The following TMEM135 variants were observed in gnomAD, a reference collection of about 807,000 sequenced individuals.
TMEM135 encodes the protein peroxisomal membrane protein 52.
TMEM135 carries 30 observed loss-of-function variants against 60.3 expected under a neutral mutation model. That is an observed-to-expected ratio of 0.50 (90% CI 0.37 to 0.68). TMEM135 has a LOEUF of 0.68. Ranked by LOEUF, TMEM135 falls within the 30% of genes least tolerant of loss-of-function variation. The probability of loss-of-function intolerance (pLI) is 0.00; values close to 1 mark genes in which losing one functional copy is unlikely to be tolerated. For synonymous variants in TMEM135, 190 were observed against 186.7 expected (o/e 1.02, Z -0.14); for missense variants, 468 against 548.8 (o/e 0.85, Z 1.47).
chr11:87,222,824 A>G (rs189766307), intron 5 of TMEM135, among the ~76,000 whole-genome samples: 25 of 132,460 alleles, frequency 1.9e-4, no homozygotes, highest in African/African-American at 6.8e-4. Context: ...AAAGAAAGAA[A>G]GAAAAAAAAA....
intron 3 of TMEM135, among the ~76,000 whole-genome samples, chr11:87,073,975 A>AT (rs1053308160): frequency 2.0e-5 from 3 of 149,670 alleles, no homozygotes; most frequent in East Asian, 2.0e-4. Flanking sequence ...GGCTTATTTT[A>AT]TTTTTTTTGG....
intron 4 of TMEM135, among the ~76,000 whole-genome samples, chr11:87,129,544 A>AATTTTTT (rs1555107817): frequency 8.0e-6 from 1 of 125,654 alleles, no homozygotes; most frequent in African/African-American, 3.1e-5. Flanking sequence ...TGCTTGGCCA[A>AATTTTTT]TTTTTTTTTT....
intron 4 of TMEM135, among the ~76,000 whole-genome samples, chr11:87,100,051 A>C (rs1260465092): frequency 6.6e-6 from 1 of 152,144 alleles, no homozygotes; most frequent in Admixed American, 6.5e-5. Context: ...AACGTAGAAG[A>C]AACCTTTGAA....
chr11:87,219,473 G>C (rs1054948399), intron 5 of TMEM135, among the ~76,000 whole-genome samples: 17 of 152,124 alleles, frequency 1.1e-4, no homozygotes, highest in Non-Finnish European at 2.9e-5. Context: ...TGGCGGGGCT[G>C]GGGGGAGAGA....
chr11:87,070,584 C>T (rs577248392), intron 2 of TMEM135, among the ~76,000 whole-genome samples: 3 of 152,040 alleles, frequency 2.0e-5, no homozygotes, highest in Admixed American at 6.5e-5. Flanking sequence ...TGCAGTGAGC[C>T]GAGACTGCAC....
intron 5 of TMEM135, among the ~76,000 whole-genome samples, chr11:87,186,450 T>G (rs1939656835): frequency 6.6e-6 from 1 of 152,198 alleles, no homozygotes. Flanking sequence ...TCATACCCCA[T>G]GAATTAAAGT....
intron 5 of TMEM135, among the ~76,000 whole-genome samples, chr11:87,168,042 G>A (rs1451061713): frequency 3.9e-5 from 6 of 152,100 alleles, no homozygotes; most frequent in Non-Finnish European, 8.8e-5. Context: ...TCTTGGGAGG[G>A]TGTATGTGTC....
intron 4 of TMEM135, among the ~76,000 whole-genome samples, chr11:87,114,670 C>G (rs1366503946): frequency 1.3e-5 from 2 of 152,078 alleles, no homozygotes; most frequent in Non-Finnish European, 2.9e-5. Context: ...TCATTTTTAA[C>G]TTTTGAGCTG....
chr11:87,328,509 C>T lies in TMEM135; in HGVS notation c.*7176C>T. 1 of 454,030 alleles carries T rather than the reference C, an allele frequency of 2.2e-6. No individual in the cohort carries two copies. The allele number at this position is 454,030 out of a possible 1,614,324, so 28.1% of individuals were successfully genotyped here. A position where few individuals can be genotyped will look rare whatever the true frequency, so the allele number is the denominator to read the frequency against. On this transcript the variant is annotated 3_prime_UTR_variant, in exon 15 of 15. Coordinates refer to ENST00000305494, the MANE Select transcript of TMEM135 (RefSeq NM_022918.4). ...ATATAGCTTTTTATTCCTTCCCCTT[C>T]TGAGTCTCCATAGTCCATTATATCA...
Position 87,325,139 on chromosome 11 carries a change from G to C in TMEM135, c.*3806G>C, listed in dbSNP as rs1032321365. On this transcript the variant is annotated 3_prime_UTR_variant, in exon 15 of 15. Coordinates refer to ENST00000305494, the MANE Select transcript of TMEM135 (RefSeq NM_022918.4). ...CAAGGACTGAGATGACCCTCAGATTGGGGGGCTGTCTTAGATTCTAGGGCT... is the reference window on the plus strand; with the variant it reads ...CAAGGACTGAGATGACCCTCAGATTCGGGGGCTGTCTTAGATTCTAGGGCT... 9.2e-6 allele frequency: 4 copies of C among 432,964 alleles called. No homozygotes were observed. The East Asian group carries it at 3.1e-4, about 34-fold the overall frequency. 26.8% of individuals were successfully genotyped at this position (432,964 alleles called of 1,614,324 possible).
intron 3 of TMEM135, among the ~76,000 whole-genome samples, chr11:87,086,542 C>G (rs1036892679): frequency 1.3e-5 from 2 of 152,012 alleles, no homozygotes; most frequent in African/African-American, 4.8e-5. Context: ...TGGTCCCCCA[C>G]CCCCACAGTT....
intron 14 of TMEM135, among the ~76,000 whole-genome samples, chr11:87,320,363 A>T (rs1183642092): frequency 6.6e-6 from 1 of 152,104 alleles, no homozygotes; most frequent in East Asian, 1.9e-4. Flanking sequence ...GATCCTTTAC[A>T]TTGTTATTGT....
At chr11:87,232,093 G>T (rs1447047011) in intron 5 of TMEM135, among the ~76,000 whole-genome samples, 1 of 151,902 alleles carries the variant, frequency 6.6e-6, no homozygotes, top group East Asian at 1.9e-4. Context: ...TGGAATTACA[G>T]ATATGCACCA....
At chr11:87,183,953 C>T (rs1233707818) in intron 5 of TMEM135, among the ~76,000 whole-genome samples, 3 of 38,306 alleles carry the variant, frequency 7.8e-5, no homozygotes, top group African/African-American at 2.9e-4. Context: ...CAGACTTCGT[C>T]GCAAAAAAAA....
chr11:87,295,919 A>C (rs1292664063), intron 7 of TMEM135, 96 bp downstream of exon 7: 2 of 985,194 alleles, frequency 2.0e-6, no homozygotes, highest in Admixed American at 4.2e-5. Context: ...TAAGCATTTA[A>C]ACTGAAAATA....
At chr11:87,292,335 A>G (rs10898662) in intron 6 of TMEM135, among the ~76,000 whole-genome samples, 48,939 of 152,058 alleles carry the variant, frequency 0.32, 9,426 homozygotes, top group Non-Finnish European at 0.43. Flanking sequence ...TGCCAGCTCT[A>G]TGAAACCAGG....
At chr11:87,076,399 A>T (rs1164082004) in intron 3 of TMEM135, among the ~76,000 whole-genome samples, 1 of 152,150 alleles carries the variant, frequency 6.6e-6, no homozygotes, top group African/African-American at 2.4e-5. Context: ...CCTGTAGTAA[A>T]TGCTGCCAGG....
At chr11:87,142,326 G>C (rs1210984685) in intron 4 of TMEM135, among the ~76,000 whole-genome samples, 4 of 152,184 alleles carry the variant, frequency 2.6e-5, no homozygotes, top group African/African-American at 9.7e-5. Flanking sequence ...GGAGAGCCTC[G>C]CTTGAGGGCA....
chr11:87,085,151 A>G (rs897544350), intron 3 of TMEM135, among the ~76,000 whole-genome samples: 43 of 152,336 alleles, frequency 2.8e-4, no homozygotes, highest in African/African-American at 9.4e-4. Flanking sequence ...ACAGTTATAA[A>G]GTTGACATTG....
Sources: allele counts gnomAD v4.1 joint callset (sites outside exome capture counted in the v4.1 genomes callset), GRCh38; gene constraint gnomAD v4.1.1; transcripts MANE v1.5; gene names NCBI Gene and HGNC (gene_info 2026-07-23, HGNC 2026-07-21).